RBPMS2: variants seen among roughly 807,000 people sequenced by gnomAD.
RBPMS2 encodes RNA binding protein, mRNA processing factor 2.
Under a neutral mutation model 25.7 loss-of-function variants are expected in RBPMS2, and 14 were observed. The observed-to-expected ratio is 0.55, with a 90% CI of 0.36 to 0.85. The LOEUF (loss-of-function observed/expected upper bound fraction) is 0.85. Among genes scored for constraint, RBPMS2 ranks in the 40% least tolerant of loss-of-function variants. The pLI is 0.01. For missense variants in RBPMS2, 252 were observed against 283.4 expected, an observed-to-expected ratio of 0.89 and a Z score of 0.80; for synonymous variants, 127 against 115.6, an observed-to-expected ratio of 1.10 and a Z score of -0.63.
chr15:64,745,470 G>A (rs1475423442), intron 6 of RBPMS2, among the ~76,000 whole-genome samples: 1 of 152,174 alleles, frequency 6.6e-6, no homozygotes, highest in African/African-American at 2.4e-5. Context: ...AGGCACGGGA[G>A]TTTATGTAAC....
chr15:64,760,004 C>T (rs868671867), intron 1 of RBPMS2, among the ~76,000 whole-genome samples: 2 of 152,202 alleles, frequency 1.3e-5, no homozygotes, highest in Admixed American at 6.5e-5. Context: ...CTCAGGTAGA[C>T]GTCTCTCTTG....
At chr15:64,757,378 G>T (rs1427559763) in intron 1 of RBPMS2, among the ~76,000 whole-genome samples, 1 of 152,056 alleles carries the variant, frequency 6.6e-6, no homozygotes, top group East Asian at 1.9e-4. Flanking sequence ...TTCATTTAGG[G>T]CTCCTGCATT....
intron 1 of RBPMS2, among the ~76,000 whole-genome samples, chr15:64,769,629 C>T (rs1479017143): frequency 6.6e-6 from 1 of 151,902 alleles, no homozygotes; most frequent in African/African-American, 2.4e-5. Context: ...CACTGCACTT[C>T]AGCCTGGGCG....
rs149358043 is a variant in RBPMS2 at position 64,748,635 on chromosome 15, C to A, written c.419-68G>T. 4 of 1,493,676 alleles carry A rather than the reference C, an allele frequency of 2.7e-6. No homozygotes were observed. The African/African-American group carries it at 5.6e-5, about 21-fold the overall frequency. The allele number at this position is 1,493,676 out of a possible 1,614,324, so 92.5% of individuals were successfully genotyped here. On this transcript the variant is annotated intron_variant, in intron 5 of 7. Transcript: ENST00000300069. Reference sequence around the variant, plus strand: ...TCCCCTTCCAAACGGAGAAGGGGACCCAGCACTATGGTTGAGCCATATGCC... The same window carrying A: ...TCCCCTTCCAAACGGAGAAGGGGACACAGCACTATGGTTGAGCCATATGCC...
intron 1 of RBPMS2, among the ~76,000 whole-genome samples, chr15:64,755,601 G>A (rs2083725233): frequency 6.6e-6 from 1 of 152,190 alleles, no homozygotes; most frequent in Non-Finnish European, 1.5e-5. Context: ...AGGGCAGGGG[G>A]AGCGGCACAG....
intron 6 of RBPMS2, 57 bp downstream of exon 6, chr15:64,748,360 CAA>C: frequency 6.4e-7 from 1 of 1,564,124 alleles, no homozygotes; most frequent in Non-Finnish European, 8.7e-7. Context: ...CAGGCACATG[CAA>C]AGTCTGGCCA....
intron 1 of RBPMS2, among the ~76,000 whole-genome samples, chr15:64,769,268 A>ATACAGAAT (rs747015482): frequency 3.8e-4 from 57 of 151,282 alleles, no homozygotes; most frequent in Non-Finnish European, 1.6e-4. Flanking sequence ...TCTACTAAAA[A>ATACAGAAT]TACAGAATTA....
intron 1 of RBPMS2, among the ~76,000 whole-genome samples, chr15:64,771,695 C>T (rs773861665): frequency 6.6e-5 from 10 of 151,904 alleles, no homozygotes; most frequent in Non-Finnish European, 1.2e-4. Context: ...CGCCGTGGCT[C>T]AGGCCTGTAA....
chr15:64,762,269 G>T, intron 1 of RBPMS2: 1 of 450,844 alleles, frequency 2.2e-6, no homozygotes, highest in Admixed American at 2.4e-5. Flanking sequence ...ATGGTTACAG[G>T]CCAACGACGA....
At chr15:64,765,009 G>A (rs1163109916) in intron 1 of RBPMS2, among the ~76,000 whole-genome samples, 1 of 150,966 alleles carries the variant, frequency 6.6e-6, no homozygotes, top group African/African-American at 2.4e-5. Context: ...GGCGGATCAC[G>A]AGGTCAGGAG....
chr15:64,746,014 GT>G, intron 6 of RBPMS2, among the ~76,000 whole-genome samples: 1 of 152,266 alleles, frequency 6.6e-6, no homozygotes, highest in Admixed American at 6.5e-5. Context: ...AAGATCAACA[GT>G]GTCCATACTT....
intron 1 of RBPMS2, among the ~76,000 whole-genome samples, chr15:64,767,792 C>A (rs958710779): frequency 2.6e-5 from 4 of 152,204 alleles, no homozygotes; most frequent in African/African-American, 7.2e-5. Flanking sequence ...ACCTCAGCCT[C>A]CTGAGTAGCT....
chr15:64,746,528 AC>A (rs1163912730), intron 6 of RBPMS2, among the ~76,000 whole-genome samples: 1 of 152,308 alleles, frequency 6.6e-6, no homozygotes, highest in East Asian at 1.9e-4. Context: ...CCAATGTCCC[AC>A]AGCTGTTGAG....
At chr15:64,769,722 A>C (rs1193611354) in intron 1 of RBPMS2, among the ~76,000 whole-genome samples, 2 of 152,192 alleles carry the variant, frequency 1.3e-5, no homozygotes, top group Non-Finnish European at 2.9e-5. Context: ...ATCTTCGTGC[A>C]ATGGCAACTC....
In RBPMS2 at chr15:64,739,941, T is replaced by G. The variant is rs550263487; in HGVS notation, c.*1067A>C. On this transcript the variant is annotated 3_prime_UTR_variant, in exon 8 of 8. Transcript: ENST00000300069. ...ATTTCATATATTATCCAGTTTCACA[T>G]TCTCACAGGATCAGCAATGACAACA... 1 of 152,742 alleles carries G rather than the reference T, an allele frequency of 6.5e-6. No individual in the cohort carries two copies. Among genetic ancestry groups the G allele is most frequent in the South Asian group, 2.1e-4 (1 of 4,828 alleles). 9.5% of individuals were successfully genotyped at this position (152,742 alleles called of 1,614,324 possible). A position where few individuals can be genotyped will look rare whatever the true frequency, so the allele number is the denominator to read the frequency against.
intron 1 of RBPMS2, among the ~76,000 whole-genome samples, chr15:64,753,795 C>T (rs535063176): frequency 6.6e-6 from 1 of 152,244 alleles, no homozygotes; most frequent in East Asian, 1.9e-4. Context: ...GCTCATGTCC[C>T]ACGGAGACAC....
At chr15:64,772,551 C>A (rs2083899753) in intron 1 of RBPMS2, among the ~76,000 whole-genome samples, 1 of 152,326 alleles carries the variant, frequency 6.6e-6, no homozygotes, top group African/African-American at 2.4e-5. Context: ...TATGGCTGCA[C>A]TGCCTGATAT....
At chr15:64,741,326 C>A in intron 6 of RBPMS2, 84 bp from the exon 7 acceptor site, 1 of 1,055,572 alleles carries the variant, frequency 9.5e-7, no homozygotes. Context: ...TCGGTGTCCC[C>A]GCTGGAGTCC....
At chr15:64,773,743 C>T (rs374766225) in intron 1 of RBPMS2, among the ~76,000 whole-genome samples, 25 of 152,084 alleles carry the variant, frequency 1.6e-4, no homozygotes, top group African/African-American at 5.5e-4. Context: ...GAGACATGCT[C>T]TCCCCCAGTT....
Sources: gnomAD v4.1 joint callset for allele counts (sites outside exome capture counted in the v4.1 genomes callset) on GRCh38, gnomAD v4.1.1 for gene constraint, MANE v1.5 for transcripts, NCBI Gene and HGNC (gene_info 2026-07-23, HGNC 2026-07-21) for gene names.